The following PGM3 variants were observed in gnomAD, a reference collection of about 807,000 sequenced individuals.
The protein encoded by PGM3 is phosphoacetylglucosamine mutase.
PGM3 carries 40 observed loss-of-function variants against 66.2 expected under a neutral mutation model. That is an observed-to-expected ratio of 0.60 (90% confidence interval 0.47 to 0.79). The LOEUF (loss-of-function observed/expected upper bound fraction) is 0.79, where lower values mean the gene tolerates loss of function less well. PGM3 is among the 30% of genes least tolerant of loss of function. The pLI, the probability that PGM3 is intolerant of heterozygous loss-of-function variation, is 0.00. For missense variants in PGM3, 537 were observed against 643.4 expected (o/e 0.83, Z 1.79); for synonymous variants, 191 against 224.2 (o/e 0.85, Z 1.32).
At chr6:83,159,650 C>T (rs1020562397), downstream of PGM3, 7 of 865,398 alleles carry the variant, frequency 8.1e-6, no homozygotes, top group Admixed American at 9.7e-5. Context: ...AAAACAGTGA[C>T]ATTTCATCAT....
intron 11 of PGM3, 81 bp downstream of exon 11, chr6:83,171,856 C>T (rs1326239981): frequency 4.6e-6 from 5 of 1,096,954 alleles, no homozygotes; most frequent in African/African-American, 1.6e-5. Context: ...AAACATATGT[C>T]AGTGAGATAT....
the PGM3 span, chr6:83,151,820 CAGA>C: frequency 6.6e-7 from 1 of 1,519,582 alleles, no homozygotes; most frequent in African/African-American, 1.4e-5. Context: ...ATATAAACTA[CAGA>C]AGTTCATAAC....
chr6:83,175,784 A>G (rs945818559), intron 9 of PGM3, among the ~76,000 whole-genome samples, 178 bp downstream of exon 9: 2 of 152,364 alleles, frequency 1.3e-5, no homozygotes, highest in Middle Eastern at 3.4e-3. Flanking sequence ...AATCATTACC[A>G]TGTAAAAGAG....
At chr6:83,176,122 C>T (rs1787743634) in intron 8 of PGM3, 62 bp from the exon 9 acceptor site, 1 of 908,252 alleles carries the variant, frequency 1.1e-6, no homozygotes, top group Non-Finnish European at 1.8e-6. Context: ...TTCTTGCATA[C>T]CTAGTATCCC....
At chr6:83,163,990 T>C (rs1436171492), downstream of PGM3, among the ~76,000 whole-genome samples, 3 of 151,684 alleles carry the variant, frequency 2.0e-5, no homozygotes. Context: ...ACTGGTATGC[T>C]CACCATTGGG....
At chr6:83,192,765 T>C (rs1470061398) in intron 1 of PGM3, among the ~76,000 whole-genome samples, 1 of 152,124 alleles carries the variant, frequency 6.6e-6, no homozygotes, top group Non-Finnish European at 1.5e-5. Flanking sequence ...CTACAACTAC[T>C]TTCAATGCCT....
At chr6:83,182,006 A>G in intron 5 of PGM3, 75 bp from the exon 6 acceptor site, 2 of 682,196 alleles carry the variant, frequency 2.9e-6, no homozygotes, top group Non-Finnish European at 2.2e-6. Context: ...GCATATATAC[A>G]TATGTGCATA....
intron 10 of PGM3, among the ~76,000 whole-genome samples, chr6:83,172,553 G>C (rs1451491135): frequency 6.6e-6 from 1 of 152,014 alleles, no homozygotes; most frequent in Non-Finnish European, 1.5e-5. Flanking sequence ...CATCTACTCG[G>C]GAGGCTGAGG....
At chr6:83,151,637 A>G in the PGM3 span, 2 of 1,609,640 alleles carry the variant, frequency 1.2e-6, no homozygotes, top group East Asian at 2.2e-5. Context: ...TTGGAAAATA[A>G]AAAAGACCAA....
At chr6:83,180,842 G>A (rs921486842) in intron 6 of PGM3, among the ~76,000 whole-genome samples, 1 of 152,204 alleles carries the variant, frequency 6.6e-6, no homozygotes, top group African/African-American at 2.4e-5. Flanking sequence ...ATAATAACAT[G>A]AATGAATGAG....
chr6:83,178,272 C>T (rs764171466), intron 8 of PGM3, among the ~76,000 whole-genome samples: 10 of 152,066 alleles, frequency 6.6e-5, no homozygotes, highest in Admixed American at 1.3e-4. Context: ...ACAAATTGGA[C>T]GCAAACACCT....
At chr6:83,187,142 G>A in intron 3 of PGM3, 67 bp from the exon 4 acceptor site, 1 of 973,372 alleles carries the variant, frequency 1.0e-6, no homozygotes, top group Non-Finnish European at 1.6e-6. Context: ...GGTTCTGCAA[G>A]CAAATGCAAA....
chr6:83,179,141 T>C (rs1345506338), intron 7 of PGM3, among the ~76,000 whole-genome samples: 2 of 151,900 alleles, frequency 1.3e-5, no homozygotes, highest in Non-Finnish European at 2.9e-5. Flanking sequence ...TGAAACCCCA[T>C]CTCTACTAAA....
chr6:83,173,019 A>G (rs1424737149), intron 10 of PGM3, among the ~76,000 whole-genome samples: 1 of 152,204 alleles, frequency 6.6e-6, no homozygotes, highest in African/African-American at 2.4e-5. Context: ...CTATAAAACC[A>G]CCTTTAATCT....
rs1408932673 is a variant in PGM3, at chr6:83,168,117, A to G, written c.*1117T>C. 1 of 1,613,894 alleles carries G rather than the reference A, an allele frequency of 6.2e-7. No homozygotes were observed. Among genetic ancestry groups the G allele is most frequent in the Non-Finnish European group, 8.5e-7 (1 of 1,180,002 alleles). ...ATGTTCCAGCAAAGCCAGGCAAAAA[A>G]TAGAAGAGATGGTAGAAAAAGATTT... On this transcript the variant is annotated 3_prime_UTR_variant, in exon 13 of 13. Coordinates refer to ENST00000513973, the MANE Select transcript of PGM3 (RefSeq NM_015599.3).
rs1481802457 is a variant in PGM3, at chr6:83,172,845, A to AT, written c.1243-787dup. Among the ~76,000 whole-genome samples the AT allele has an allele frequency of 1.8e-4, 27 of 151,912 alleles. No individual in the cohort carries two copies. In the East Asian group the frequency reaches 5.2e-3, roughly 29 times the overall value. ...GTGTGTGAATAAGTGTAAAAAAATG[A>AT]TTGATTGCTTATTGATTGATAGCAT... On this transcript the variant is annotated intron_variant, in intron 10 of 12. Coordinates refer to ENST00000513973, the MANE Select transcript of PGM3 (RefSeq NM_015599.3).
At chr6:83,158,665 C>T (rs45469502), downstream of PGM3, 2,159 of 1,355,612 alleles carry the variant, frequency 1.6e-3, 24 homozygotes, top group African/African-American at 0.025. Context: ...TTTTTAATAC[C>T]CTGAAATTAT....
chr6:83,169,796 T>A (rs1426439689), intron 12 of PGM3: 1 of 457,540 alleles, frequency 2.2e-6, no homozygotes, highest in South Asian at 1.5e-5. Context: ...TTAAGGAGTA[T>A]GTGAAGAGGC....
downstream of PGM3, among the ~76,000 whole-genome samples, chr6:83,159,442 G>GTTT: frequency 7.1e-6 from 1 of 141,170 alleles, no homozygotes; most frequent in Non-Finnish European, 1.6e-5. Flanking sequence ...CCTGGCTAGT[G>GTTT]TTTTTTTTTT....
Sources: gnomAD v4.1 joint callset for allele counts (sites outside exome capture counted in the v4.1 genomes callset) on GRCh38, gnomAD v4.1.1 for gene constraint, MANE v1.5 for transcripts, NCBI Gene and HGNC (gene_info 2026-07-23, HGNC 2026-07-21) for gene names.